Variants in DIS3L2 observed in about 807,000 individuals in gnomAD.
DIS3L2 encodes DIS3 like 3'-5' exoribonuclease 2.
Under a neutral mutation model 97.5 loss-of-function variants are expected in DIS3L2, and 34 were observed. That is an observed-to-expected ratio of 0.35 (90% CI 0.27 to 0.46). The LOEUF (loss-of-function observed/expected upper bound fraction) is 0.46, where lower values mean the gene tolerates loss of function less well. DIS3L2 is among the 20% of genes least tolerant of loss of function. The probability of loss-of-function intolerance (pLI) is 1.00; values close to 1 mark genes in which losing one functional copy is unlikely to be tolerated. For missense variants in DIS3L2, 1,038 were observed against 1,146.0 expected, an observed-to-expected ratio of 0.91 and a Z score of 1.36; for synonymous variants, 435 against 445.2, an observed-to-expected ratio of 0.98 and a Z score of 0.29.
intron 14 of DIS3L2, among the ~76,000 whole-genome samples, chr2:232,310,797 G>C (rs555482679): frequency 6.6e-6 from 1 of 152,376 alleles, no homozygotes; most frequent in East Asian, 1.9e-4. Flanking sequence ...GTGGCACTGA[G>C]TTGCCCATGG....
intron 1 of DIS3L2, among the ~76,000 whole-genome samples, chr2:231,966,927 C>T (rs529954999): frequency 1.2e-4 from 19 of 152,162 alleles, no homozygotes; most frequent in African/African-American, 4.6e-4. Context: ...GGAACCATAG[C>T]AAGAACTTGA....
chr2:232,223,061 G>T (rs1282674154), intron 10 of DIS3L2, among the ~76,000 whole-genome samples: 2 of 152,184 alleles, frequency 1.3e-5, no homozygotes, highest in Non-Finnish European at 2.9e-5. Flanking sequence ...ATGTCTCAGT[G>T]CACCTTGTTA....
At chr2:232,058,528 A>G (rs546138099) in intron 5 of DIS3L2, among the ~76,000 whole-genome samples, 1 of 152,200 alleles carries the variant, frequency 6.6e-6, no homozygotes, top group South Asian at 2.1e-4. Flanking sequence ...GTTAGCCACA[A>G]ATGTCTACTA....
At chr2:232,215,283 C>T (rs2106224042) in intron 10 of DIS3L2, among the ~76,000 whole-genome samples, 1 of 152,246 alleles carries the variant, frequency 6.6e-6, no homozygotes, top group Non-Finnish European at 1.5e-5. Context: ...AAACTACAGC[C>T]CCGGGTGCAC....
chr2:232,000,764 A>G (rs1219738798), intron 1 of DIS3L2, among the ~76,000 whole-genome samples: 2 of 94,884 alleles, frequency 2.1e-5, no homozygotes, highest in Non-Finnish European at 4.1e-5. Flanking sequence ...GGATTTCACC[A>G]TGTTGTTGCC....
intron 6 of DIS3L2, among the ~76,000 whole-genome samples, chr2:232,103,608 A>G (rs764936250): frequency 2.2e-4 from 34 of 152,208 alleles, no homozygotes; most frequent in Non-Finnish European, 4.4e-4. Flanking sequence ...TAATTTATTC[A>G]TGATTTTTGG....
intron 7 of DIS3L2, among the ~76,000 whole-genome samples, chr2:232,133,788 C>A (rs1698281673): frequency 6.6e-6 from 1 of 151,788 alleles, no homozygotes; most frequent in Admixed American, 6.6e-5. Flanking sequence ...GAGTTCAAGA[C>A]CAGCCTGACC....
At chr2:232,240,878 A>C (rs975087383) in intron 11 of DIS3L2, among the ~76,000 whole-genome samples, 1 of 152,208 alleles carries the variant, frequency 6.6e-6, no homozygotes, top group Non-Finnish European at 1.5e-5. Flanking sequence ...CAAAATCAGA[A>C]AATGAAAAAA....
intron 10 of DIS3L2, among the ~76,000 whole-genome samples, chr2:232,212,309 G>GT (rs1487725908): frequency 6.6e-5 from 10 of 152,168 alleles, no homozygotes; most frequent in African/African-American, 2.4e-4. Context: ...TTACCTCTAG[G>GT]TTCACACCTC....
chr2:232,242,163 A>G (rs1437286997), intron 11 of DIS3L2, among the ~76,000 whole-genome samples: 1 of 152,246 alleles, frequency 6.6e-6, no homozygotes, highest in African/African-American at 2.4e-5. Context: ...AAAACTCTTT[A>G]AACAGAGATG....
At chr2:232,182,318 T>C (rs1691308632) in intron 9 of DIS3L2, among the ~76,000 whole-genome samples, 1 of 152,222 alleles carries the variant, frequency 6.6e-6, no homozygotes, top group Admixed American at 6.5e-5. Context: ...TTTTAGTCCT[T>C]GTATATTTAT....
intron 9 of DIS3L2, among the ~76,000 whole-genome samples, chr2:232,176,104 T>C (rs1308943301): frequency 6.6e-6 from 1 of 152,296 alleles, no homozygotes; most frequent in East Asian, 1.9e-4. Context: ...TTGGCCAGGC[T>C]AGTCTTGAAC....
At chr2:232,042,118 A>G (rs1413767879) in intron 5 of DIS3L2, among the ~76,000 whole-genome samples, 1 of 152,218 alleles carries the variant, frequency 6.6e-6, no homozygotes, top group Non-Finnish European at 1.5e-5. Context: ...GAAAGAATAA[A>G]GGAAGTGTTG....
At chr2:232,006,432 A>C (rs1355670476) in intron 1 of DIS3L2, among the ~76,000 whole-genome samples, 1 of 152,092 alleles carries the variant, frequency 6.6e-6, no homozygotes, top group Admixed American at 6.5e-5. Flanking sequence ...ATAGAGTACT[A>C]ATGGAGAAAA....
At chr2:232,256,655 T>G (rs1248150532) in intron 12 of DIS3L2, among the ~76,000 whole-genome samples, 2 of 152,152 alleles carry the variant, frequency 1.3e-5, no homozygotes, top group Non-Finnish European at 2.9e-5. Context: ...TCATTCCTCC[T>G]TCTTGGAAAC....
chr2:232,019,510 C>T (rs954780874), intron 3 of DIS3L2, among the ~76,000 whole-genome samples: 2 of 150,254 alleles, frequency 1.3e-5, no homozygotes, highest in African/African-American at 4.9e-5. Flanking sequence ...CATGATCATG[C>T]CATTGTGCTC....
intron 13 of DIS3L2, among the ~76,000 whole-genome samples, chr2:232,264,084 T>C (rs1693792861): frequency 6.6e-6 from 1 of 152,208 alleles, no homozygotes; most frequent in Non-Finnish European, 1.5e-5. Context: ...CTTCAGATCA[T>C]CAGGCATTAG....
At chr2:232,100,518 ATG>A (rs1697165462) in intron 6 of DIS3L2, among the ~76,000 whole-genome samples, 1 of 152,036 alleles carries the variant, frequency 6.6e-6, no homozygotes, top group African/African-American at 2.4e-5. Context: ...AAAGCTACAT[ATG>A]TACCTCTAAA....
At chr2:232,102,472 T>G (rs1697231293) in intron 6 of DIS3L2, among the ~76,000 whole-genome samples, 1 of 152,206 alleles carries the variant, frequency 6.6e-6, no homozygotes, top group Non-Finnish European at 1.5e-5. Flanking sequence ...GAGAATGTCC[T>G]TATTTTTAGG....
Sources: allele counts gnomAD v4.1 joint callset (sites outside exome capture counted in the v4.1 genomes callset), GRCh38; gene constraint gnomAD v4.1.1; transcripts MANE v1.5; gene names NCBI Gene and HGNC (gene_info 2026-07-23, HGNC 2026-07-21).